IGSF21: variants seen among roughly 807,000 people sequenced by gnomAD.
The protein encoded by IGSF21 is immunoglobin superfamily member 21, also known as immunoglobulin superfamily member 21.
Under a neutral mutation model 46.8 loss-of-function variants are expected in IGSF21, and 28 were observed. The observed-to-expected ratio is 0.60, with a 90% CI of 0.44 to 0.82. The LOEUF is 0.82. IGSF21 is among the 40% of genes least tolerant of loss of function. The probability of loss-of-function intolerance (pLI) is 0.00; values close to 1 mark genes in which losing one functional copy is unlikely to be tolerated. For missense variants in IGSF21, 624 were observed against 665.5 expected (o/e 0.94, Z 0.69); for synonymous variants, 284 against 273.6 (o/e 1.04, Z -0.38).
At chr1:18,295,768 C>A (rs879522847) in intron 3 of IGSF21, among the ~76,000 whole-genome samples, 3 of 152,246 alleles carry the variant, frequency 2.0e-5, no homozygotes, top group African/African-American at 2.4e-5. Flanking sequence ...TCAGCCTGCA[C>A]ATGAGAAAGG....
At chr1:18,135,153 T>C (rs1043041595) in intron 1 of IGSF21, among the ~76,000 whole-genome samples, 3 of 152,242 alleles carry the variant, frequency 2.0e-5, no homozygotes, top group Admixed American at 1.3e-4. Flanking sequence ...GGGCAGGCTC[T>C]GCCCAAGATG....
chr1:18,245,462 T>A (rs540857739), intron 2 of IGSF21, among the ~76,000 whole-genome samples: 297 of 152,324 alleles, frequency 1.9e-3, no homozygotes, highest in Admixed American at 3.7e-3. Flanking sequence ...ATAAATGGGA[T>A]CTTTTTCATT....
At chr1:18,240,894 G>A (rs993278727) in intron 2 of IGSF21, among the ~76,000 whole-genome samples, 28 of 152,172 alleles carry the variant, frequency 1.8e-4, no homozygotes, top group Non-Finnish European at 1.2e-4. Flanking sequence ...GCTCAGCTGC[G>A]CAGCCATGAT....
intron 1 of IGSF21, among the ~76,000 whole-genome samples, chr1:18,208,197 G>A (rs912352812): frequency 2.0e-5 from 3 of 151,304 alleles, no homozygotes; most frequent in African/African-American, 4.9e-5. Flanking sequence ...GAGGCCTGGT[G>A]GGCATGCTGA....
chr1:18,115,543 CCT>C (rs2086180213), intron 1 of IGSF21: 2 of 152,250 alleles, frequency 1.3e-5, no homozygotes, highest in Non-Finnish European at 2.9e-5. Flanking sequence ...AGGCTTGTTT[CCT>C]GGCCCTGCTC....
chr1:18,377,269 T>C (rs1053172580), intron 8 of IGSF21, 124 bp from the exon 9 acceptor site: 1 of 933,610 alleles, frequency 1.1e-6, no homozygotes, highest in Non-Finnish European at 1.8e-6. Context: ...CCCCTGAAGG[T>C]TGTGTGGCTG....
At chr1:18,215,041 G>A (rs367899196) in intron 1 of IGSF21, among the ~76,000 whole-genome samples, 1 of 152,140 alleles carries the variant, frequency 6.6e-6, no homozygotes, top group East Asian at 1.9e-4. Flanking sequence ...CGCCTGGCCA[G>A]TACCACACTT....
rs2085760561 is a variant in IGSF21, at chr1:18,335,837, C to T, written c.424+827C>T. ...TGAAAACCTCCAAAGGCCAGACCTC[C>T]AGAGGGACATTGATTCCTGCAGCAC... On this transcript the variant is annotated intron_variant, in intron 4 of 9. Transcript: ENST00000251296. The surrounding 1 kb of genome is among the most constrained non-coding windows in gnomAD (Gnocchi z 4.8). 6.6e-6 allele frequency among the ~76,000 whole-genome samples: 1 copy of T among 152,236 alleles called. No individual in the cohort carries two copies. The highest frequency in any genetic ancestry group is 2.4e-5 in the African/African-American group (1 of 41,474).
chr1:18,312,235 G>T (rs562083188), intron 3 of IGSF21, among the ~76,000 whole-genome samples: 1 of 152,186 alleles, frequency 6.6e-6, no homozygotes, highest in Non-Finnish European at 1.5e-5. Context: ...TTGAATGAAT[G>T]AATTAAATGA....
chr1:18,191,116 A>G (rs1322488830), intron 1 of IGSF21, among the ~76,000 whole-genome samples: 1 of 152,206 alleles, frequency 6.6e-6, no homozygotes, highest in Non-Finnish European at 1.5e-5. Flanking sequence ...TCAGAACTGC[A>G]TCAATGTCAG....
intron 3 of IGSF21, among the ~76,000 whole-genome samples, chr1:18,298,257 G>A (rs925507681): frequency 2.6e-5 from 4 of 152,232 alleles, no homozygotes; most frequent in Admixed American, 6.5e-5. Flanking sequence ...CCTGGGTAGA[G>A]AGGGTGGGTT....
intron 1 of IGSF21, among the ~76,000 whole-genome samples, chr1:18,199,262 G>A (rs2087041618): frequency 6.6e-6 from 1 of 152,036 alleles, no homozygotes; most frequent in Admixed American, 6.5e-5. Flanking sequence ...TCACCACCCA[G>A]GGGATGTGTT....
At chr1:18,377,808 G>T (rs949204110) in intron 9 of IGSF21, among the ~76,000 whole-genome samples, 1 of 152,186 alleles carries the variant, frequency 6.6e-6, no homozygotes, top group Non-Finnish European at 1.5e-5. Context: ...CGACCGTGGG[G>T]CTGCGTTCTG....
chr1:18,127,723 T>C (rs965019424), intron 1 of IGSF21, among the ~76,000 whole-genome samples: 86 of 152,016 alleles, frequency 5.7e-4, no homozygotes, highest in African/African-American at 1.9e-3. Flanking sequence ...GGAAACATGG[T>C]GAAACCTCAT....
intron 4 of IGSF21, among the ~76,000 whole-genome samples, chr1:18,344,670 G>A (rs1439579615): frequency 6.6e-6 from 1 of 152,142 alleles, no homozygotes; most frequent in Non-Finnish European, 1.5e-5. Context: ...GTGTATGGTG[G>A]TCCAAGGGGC....
intron 1 of IGSF21, among the ~76,000 whole-genome samples, chr1:18,139,064 G>A (rs77827446): frequency 7.2e-5 from 11 of 152,100 alleles, no homozygotes; most frequent in African/African-American, 1.7e-4. Flanking sequence ...GTGCAGGAGC[G>A]CTCTTCCCTC....
intron 1 of IGSF21, among the ~76,000 whole-genome samples, chr1:18,195,664 C>A (rs2086999525): frequency 6.6e-6 from 1 of 152,220 alleles, no homozygotes; most frequent in Non-Finnish European, 1.5e-5. Context: ...CCAGGGCTTG[C>A]TCTTTTCTCC....
chr1:18,348,598 G>T (rs1035227453), intron 4 of IGSF21, among the ~76,000 whole-genome samples: 10 of 152,290 alleles, frequency 6.6e-5, no homozygotes, highest in Admixed American at 6.5e-4. Flanking sequence ...AGTGCCTCGG[G>T]CCCAGTGATT....
In IGSF21 at chr1:18,365,252, C is replaced by T. The variant is rs143983138; in HGVS notation, c.570C>T (p.Ile190=). The change falls in exon 6 of 10, where the codon ATC becomes ATT. Residue 190 remains isoleucine (I), a synonymous_variant. Transcript: ENST00000251296. The surrounding 1 kb of genome is among the most constrained non-coding windows in gnomAD (Gnocchi z 4.8). ...MVYFKRDGEP[I]DAVPLSEPPA... is the part of the protein sequence containing the mutation. Reference sequence around the variant, plus strand: ...ATTTCAAACGAGATGGGGAACCAATCGACGCAGTGCCCCTATCAGAGCCAC... The same window carrying T: ...ATTTCAAACGAGATGGGGAACCAATTGACGCAGTGCCCCTATCAGAGCCAC... 14 of 1,607,130 alleles carry T rather than the reference C, an allele frequency of 8.7e-6. No individual in the cohort carries two copies. The African/African-American group carries it at 1.1e-4, about 12-fold the overall frequency.
Sources: gnomAD v4.1 joint callset for allele counts (sites outside exome capture counted in the v4.1 genomes callset) on GRCh38, gnomAD v4.1.1 for gene constraint, Gnocchi (gnomAD v3.1) non-coding constraint, MANE v1.5 for transcripts, NCBI Gene and HGNC (gene_info 2026-07-23, HGNC 2026-07-21) for gene names.